CORO2A: variants seen among roughly 807,000 people sequenced by gnomAD.
The protein encoded by CORO2A is coronin-2A.
Under a neutral mutation model 62.4 loss-of-function variants are expected in CORO2A, and 47 were observed. The ratio of observed to expected loss-of-function variants is 0.75; its 90% confidence interval spans 0.60 to 0.96. CORO2A has a LOEUF of 0.96. Ranked by LOEUF, CORO2A falls within the 40% of genes least tolerant of loss-of-function variation. The probability of loss-of-function intolerance (pLI) is 0.00; values close to 1 mark genes in which losing one functional copy is unlikely to be tolerated. For missense variants in CORO2A, 610 were observed against 684.1 expected, an observed-to-expected ratio of 0.89 and a Z score of 1.21; for synonymous variants, 273 against 268.9, an observed-to-expected ratio of 1.02 and a Z score of -0.15.
At chr9:98,188,910 A>C (rs571708251) in intron 1 of CORO2A, among the ~76,000 whole-genome samples, 1 of 152,354 alleles carries the variant, frequency 6.6e-6, no homozygotes, top group South Asian at 2.1e-4. Flanking sequence ...TTAGGACAGA[A>C]TTAGGCAGGC....
intron 1 of CORO2A, among the ~76,000 whole-genome samples, chr9:98,185,658 G>A (rs1269423276): frequency 6.6e-6 from 1 of 152,218 alleles, no homozygotes; most frequent in African/African-American, 2.4e-5. Flanking sequence ...GGCCAACACC[G>A]TGGTGCAGCC....
chr9:98,181,751 A>T (rs1304306074), intron 1 of CORO2A, among the ~76,000 whole-genome samples: 1 of 151,844 alleles, frequency 6.6e-6, no homozygotes, highest in East Asian at 1.9e-4. Context: ...CATCTTTCAG[A>T]TCTCAGCTCA....
chr9:98,124,678 A>C lies in CORO2A; in HGVS notation c.*96T>G. 7.4e-6 allele frequency: 9 copies of C among 1,210,110 alleles called. No individual in the cohort carries two copies. The highest frequency in any genetic ancestry group is 9.8e-6 in the Non-Finnish European group (9 of 916,964). 75.0% of individuals were successfully genotyped at this position (1,210,110 alleles called of 1,614,324 possible). A position where few individuals can be genotyped will look rare whatever the true frequency, so the allele number is the denominator to read the frequency against. Reference sequence around the variant, plus strand: ...TTGTTTTCTGGTAAAAAATATAGAAATAGTGGTTGTCCTTGAGGGGACTTG... The same window carrying C: ...TTGTTTTCTGGTAAAAAATATAGAACTAGTGGTTGTCCTTGAGGGGACTTG... On this transcript the variant is annotated 3_prime_UTR_variant, in exon 12 of 12. Transcript: ENST00000375077.
intron 1 of CORO2A, among the ~76,000 whole-genome samples, chr9:98,165,652 G>C (rs1827949441): frequency 6.6e-6 from 1 of 152,212 alleles, no homozygotes; most frequent in Admixed American, 6.5e-5. Context: ...TTGCACATTA[G>C]AATCACTTAA....
At position 98,137,704 on chromosome 9, in the gene CORO2A, C is replaced by T. The variant is rs199681026; in HGVS notation, c.202-16G>A. On this transcript the variant is annotated splice_polypyrimidine_tract_variant and intron_variant, in intron 2 of 11. Coordinates refer to ENST00000375077, the MANE Select transcript of CORO2A (RefSeq NM_052820.4). ...ACTTCCCTGTCTGCAAGACAGTGCC[C>T]AGGAGGGTTGGGGAGGAGGTGGATT... 1.1e-4 allele frequency: 173 copies of T among 1,593,722 alleles called. No individual in the cohort carries two copies. Among genetic ancestry groups the T allele is most frequent in the Middle Eastern group, 1.7e-4 (1 of 6,052 alleles).
intron 2 of CORO2A, among the ~76,000 whole-genome samples, chr9:98,155,208 A>G (rs1192115637): frequency 6.6e-6 from 1 of 152,084 alleles, no homozygotes; most frequent in Non-Finnish European, 1.5e-5. Context: ...GTGCTGGTTC[A>G]GTGTTTTGTG....
chr9:98,127,091 A>G (rs1316644219), intron 10 of CORO2A, among the ~76,000 whole-genome samples: 1 of 152,200 alleles, frequency 6.6e-6, no homozygotes, highest in African/African-American at 2.4e-5. Context: ...AAACACTTCA[A>G]ACTCACATGA....
chr9:98,167,394 G>T (rs945936168), intron 1 of CORO2A, among the ~76,000 whole-genome samples: 1 of 152,186 alleles, frequency 6.6e-6, no homozygotes, highest in Middle Eastern at 3.2e-3. Flanking sequence ...GGTGATGGCT[G>T]CACGGCAGTA....
intron 2 of CORO2A, among the ~76,000 whole-genome samples, chr9:98,157,186 A>G (rs1214217013): frequency 6.6e-6 from 1 of 152,152 alleles, no homozygotes. Flanking sequence ...AAAAAATTAT[A>G]TTTTATTCAG....
chr9:98,142,571 G>A lies in CORO2A; in HGVS notation c.202-4883C>T, dbSNP rs542685549. On this transcript the variant is annotated intron_variant, in intron 2 of 11. Transcript: ENST00000375077. ...GGCCATGCCCCAATTTCCGCAGTGCGGTTTCCCAAGAAAAGCCAGATGAGC... is the reference window on the plus strand; with the variant it reads ...GGCCATGCCCCAATTTCCGCAGTGCAGTTTCCCAAGAAAAGCCAGATGAGC... Among the ~76,000 whole-genome samples the A allele has an allele frequency of 1.2e-4, 19 of 152,360 alleles. No homozygotes were observed. The South Asian group carries it at 1.9e-3, about 15-fold the overall frequency.
intron 1 of CORO2A, among the ~76,000 whole-genome samples, chr9:98,165,249 G>A (rs144331814): frequency 3.2e-3 from 480 of 152,286 alleles, no homozygotes; most frequent in Non-Finnish European, 4.6e-3. Flanking sequence ...GTGAGCCACC[G>A]TGCCTGGCTT....
rs539382573 is a variant in CORO2A, at chr9:98,179,424, T to C, written c.-1+13135A>G. Among the ~76,000 whole-genome samples, 21 of 152,268 alleles carry C rather than the reference T, an allele frequency of 1.4e-4. No homozygotes were observed. The South Asian group carries it at 4.4e-3, about 32-fold the overall frequency. ...CCTGCAATCCTGCTCCTATCTCTCA[T>C]CCTCCCCATCTTCCAGGTCCTTCCT... is the stretch of plus-strand genomic sequence containing the variant. On this transcript the variant is annotated intron_variant, in intron 1 of 11. Transcript: ENST00000375077.
chr9:98,186,066 C>A (rs1246134371), intron 1 of CORO2A, among the ~76,000 whole-genome samples: 2 of 152,228 alleles, frequency 1.3e-5, no homozygotes, highest in Non-Finnish European at 2.9e-5. Flanking sequence ...CAGGGTCATG[C>A]CATTTGCCAG....
At chr9:98,181,059 C>T (rs938675603) in intron 1 of CORO2A, among the ~76,000 whole-genome samples, 5 of 152,220 alleles carry the variant, frequency 3.3e-5, no homozygotes, top group Admixed American at 2.0e-4. Context: ...TGGCAAACCC[C>T]AGCACTGGGT....
intron 1 of CORO2A, among the ~76,000 whole-genome samples, chr9:98,163,711 G>GGT (rs72256502): frequency 0.092 from 12,716 of 138,780 alleles, 711 homozygotes; most frequent in Middle Eastern, 0.15. Context: ...ATACATGCGG[G>GGT]GTGTGTGTGT....
intron 2 of CORO2A, among the ~76,000 whole-genome samples, chr9:98,138,073 C>T (rs758624763): frequency 4.6e-5 from 7 of 152,156 alleles, no homozygotes; most frequent in Non-Finnish European, 8.8e-5. Context: ...AAAGGTTAAC[C>T]GGTTCCCACA....
chr9:98,155,521 A>G (rs901828981), intron 2 of CORO2A, among the ~76,000 whole-genome samples: 6 of 151,414 alleles, frequency 4.0e-5, no homozygotes, highest in African/African-American at 1.5e-4. Context: ...TAATTTTTGT[A>G]TTTTTAGTAG....
intron 1 of CORO2A, among the ~76,000 whole-genome samples, chr9:98,188,664 T>C (rs2118948138): frequency 6.6e-6 from 1 of 152,232 alleles, no homozygotes; most frequent in South Asian, 2.1e-4. Context: ...CTCAGGAGGC[T>C]GAGGCATGAG....
chr9:98,123,943 C>T lies in CORO2A; in HGVS notation c.*831G>A, dbSNP rs961635445. The T allele has an allele frequency of 6.6e-6, 1 of 152,006 alleles. No homozygotes were observed. Among genetic ancestry groups the T allele is most frequent in the Non-Finnish European group, 1.5e-5 (1 of 68,034 alleles). 9.4% of individuals were successfully genotyped at this position (152,006 alleles called of 1,614,324 possible). A position where few individuals can be genotyped will look rare whatever the true frequency, so the allele number is the denominator to read the frequency against. ...GTTCTGGGATTATAGGCGTGAACCA[C>T]CACGCCCTGCCTAATTTTTGTATTT... On this transcript the variant is annotated 3_prime_UTR_variant, in exon 12 of 12. Transcript: ENST00000375077.
Sources: gnomAD v4.1 joint callset for allele counts (sites outside exome capture counted in the v4.1 genomes callset) on GRCh38, gnomAD v4.1.1 for gene constraint, MANE v1.5 for transcripts, NCBI Gene and HGNC (gene_info 2026-07-23, HGNC 2026-07-21) for gene names.